SPATA18: variants seen among roughly 807,000 people sequenced by gnomAD.
SPATA18 encodes mitochondria-eating protein.
Under a neutral mutation model 68.1 loss-of-function variants are expected in SPATA18, and 54 were observed. The ratio of observed to expected loss-of-function variants is 0.79; its 90% CI spans 0.64 to 0.99. SPATA18 has a LOEUF of 0.99. Among genes scored for constraint, SPATA18 ranks in the 50% least tolerant of loss-of-function variants. The pLI is 0.00. For missense variants in SPATA18, 724 were observed against 681.1 expected (o/e 1.06, Z -0.70); for synonymous variants, 242 against 244.8 (o/e 0.99, Z 0.11).
chr4:52,085,887 G>A (rs564621551), intron 11 of SPATA18, among the ~76,000 whole-genome samples: 19 of 152,160 alleles, frequency 1.2e-4, no homozygotes. Flanking sequence ...ACTCTAGCCT[G>A]GGTGAGAGAG....
At chr4:52,085,816 G>A (rs1202561720) in intron 11 of SPATA18, among the ~76,000 whole-genome samples, 1 of 152,142 alleles carries the variant, frequency 6.6e-6, no homozygotes, top group South Asian at 2.1e-4. Context: ...GGCTGAGCTG[G>A]GAGGATCATC....
chr4:52,078,871 A>G lies in SPATA18; in HGVS notation c.1157A>G (p.Tyr386Cys), dbSNP rs1272578232. Residue 386 changes from tyrosine (Y) to cysteine (C), a missense_variant, in exon 8 of 13, where the codon TAT (tyrosine) becomes TGT (cysteine). Tyr to Cys is a radical substitution (Grantham distance 194). Coordinates refer to ENST00000295213, the MANE Select transcript of SPATA18 (RefSeq NM_145263.4). ...TATGTCATTTGTCATCTTGATCTATATGATTCTCAAAGCAGTGTCAATGTA... is the reference window on the plus strand; with the variant it reads ...TATGTCATTTGTCATCTTGATCTATGTGATTCTCAAAGCAGTGTCAATGTA... ...LDYVICHLDL[Y>C]DSQSSVNDVI... The G allele has an allele frequency of 1.3e-6, 2 of 1,590,676 alleles. No homozygotes were observed. The highest frequency in any genetic ancestry group is 1.3e-5 in the African/African-American group (1 of 74,652).
intron 1 of SPATA18, among the ~76,000 whole-genome samples, chr4:52,059,037 C>T (rs1449960610): frequency 6.6e-6 from 1 of 152,176 alleles, no homozygotes; most frequent in East Asian, 1.9e-4. Context: ...CATTTATATG[C>T]ATCCATCCAA....
chr4:52,051,505 C>A lies in SPATA18; in HGVS notation c.-200C>A. ...GACGGCGGATGAGGCGCGGCGGCTG[C>A]GGCCCAGGGCACCTCCCCTCTGGCT... On this transcript the variant is annotated 5_prime_UTR_variant, in exon 1 of 13. An upstream open reading frame in the 5' UTR gains an earlier in-frame stop. Coordinates refer to ENST00000295213, the MANE Select transcript of SPATA18 (RefSeq NM_145263.4). 1 of 558,062 alleles carries A rather than the reference C, an allele frequency of 1.8e-6. No individual in the cohort carries two copies. Among genetic ancestry groups the A allele is most frequent in the South Asian group, 2.5e-5 (1 of 40,098 alleles). 34.6% of individuals were successfully genotyped at this position (558,062 alleles called of 1,614,324 possible).
intron 11 of SPATA18, 101 bp downstream of exon 11, chr4:52,085,100 G>GTTCTCTTTCCACC: frequency 1.2e-6 from 1 of 868,754 alleles, no homozygotes; most frequent in Non-Finnish European, 1.8e-6. Context: ...AAGTCTACAG[G>GTTCTCTTTCCACC]TGGAAAGAGA....
chr4:52,054,700 G>A (rs139186300), intron 1 of SPATA18, among the ~76,000 whole-genome samples: 11 of 152,052 alleles, frequency 7.2e-5, no homozygotes, highest in South Asian at 4.2e-4. Context: ...CCTATGGTCC[G>A]TGATCTCTTA....
chr4:52,078,773 C>CAAGATCCAT lies in SPATA18; in HGVS notation c.1060_1068dup (p.Lys354_His356dup). ...TAGCAAAAATGGCATTCAGACACTT[C>CAAGATCCAT]AAGATCCATGTGAGAAAATCGTTGA... On this transcript the variant is annotated inframe_insertion, in exon 8 of 13. Coordinates refer to ENST00000295213, the MANE Select transcript of SPATA18 (RefSeq NM_145263.4). 3 of 1,604,698 alleles carry CAAGATCCAT rather than the reference C, an allele frequency of 1.9e-6. No individual in the cohort carries two copies. The highest frequency in any genetic ancestry group is 2.6e-6 in the Non-Finnish European group (3 of 1,172,508).
At chr4:52,067,662 C>T (rs559513509) in intron 4 of SPATA18, among the ~76,000 whole-genome samples, 3 of 152,246 alleles carry the variant, frequency 2.0e-5, no homozygotes, top group Admixed American at 6.5e-5. Flanking sequence ...GACCACCATA[C>T]GTTGAAAGGT....
At chr4:52,063,635 G>A (rs1324411207) in intron 4 of SPATA18, among the ~76,000 whole-genome samples, 2 of 152,246 alleles carry the variant, frequency 1.3e-5, no homozygotes, top group Non-Finnish European at 2.9e-5. Context: ...CTCATTCCAA[G>A]TGCAAACATG....
At chr4:52,068,424 A>G (rs934663877) in intron 4 of SPATA18, among the ~76,000 whole-genome samples, 1 of 152,242 alleles carries the variant, frequency 6.6e-6, no homozygotes, top group Non-Finnish European at 1.5e-5. Context: ...AATAGTTTAT[A>G]GTGTGAATGC....
At chr4:52,084,494 A>C (rs7696028) in intron 10 of SPATA18, among the ~76,000 whole-genome samples, 75,001 of 152,084 alleles carry the variant, frequency 0.49, 22,060 homozygotes, top group Non-Finnish European at 0.67. Flanking sequence ...CATTCATCCA[A>C]TGATATTTAT....
chr4:52,073,679 G>A (rs1291236191), intron 6 of SPATA18, among the ~76,000 whole-genome samples: 9 of 152,206 alleles, frequency 5.9e-5, no homozygotes, highest in African/African-American at 2.2e-4. Flanking sequence ...GCTGAGGCAG[G>A]AGGAACTCTT....
Position 52,074,455 on chromosome 4 carries a change from G to A in SPATA18, c.758+2299G>A, listed in dbSNP as rs1007911911. On this transcript the variant is annotated intron_variant, in intron 6 of 12. Transcript: ENST00000295213. The stretch of plus-strand genomic sequence containing the variant: ...CCAGCTGGTTGGGTGAGTGGGGGGC[G>A]CAGCGGTGGTGTTCAAAACCAGGGA... 9.9e-5 allele frequency among the ~76,000 whole-genome samples: 15 copies of A among 152,088 alleles called. 1 individual carries two copies. Among genetic ancestry groups the A allele is most frequent in the Middle Eastern group, 6.3e-3 (2 of 316 alleles).
chr4:52,080,192 T>C (rs1296832924), intron 9 of SPATA18, among the ~76,000 whole-genome samples: 1 of 152,228 alleles, frequency 6.6e-6, no homozygotes, highest in African/African-American at 2.4e-5. Context: ...AATACAAATG[T>C]GCATTACTTT....
At position 52,065,305 on chromosome 4, in the gene SPATA18, A is replaced by G. The variant is rs945495535; in HGVS notation, c.422+2973A>G. ...AAGCTTCTTAGTTTAATTAGGTCCC[A>G]TTTTATTTATTTTGGTTTTTGTTGC... is the stretch of plus-strand genomic sequence containing the variant. On this transcript the variant is annotated intron_variant, in intron 4 of 12. Coordinates refer to ENST00000295213, the MANE Select transcript of SPATA18 (RefSeq NM_145263.4). Among the ~76,000 whole-genome samples the G allele has an allele frequency of 7.2e-5, 11 of 152,000 alleles. No homozygotes were observed. In the East Asian group the frequency reaches 2.1e-3, roughly 29 times the overall value.
chr4:52,054,988 T>A (rs567068817), intron 1 of SPATA18, among the ~76,000 whole-genome samples: 1 of 151,894 alleles, frequency 6.6e-6, no homozygotes, highest in Admixed American at 6.6e-5. Flanking sequence ...AAAGAGTCTG[T>A]TATATTAGTC....
intron 5 of SPATA18, among the ~76,000 whole-genome samples, chr4:52,070,393 T>A (rs1328708974): frequency 1.3e-5 from 2 of 152,126 alleles, no homozygotes; most frequent in Admixed American, 1.3e-4. Flanking sequence ...TGGGAAATAA[T>A]ATTGGGATAA....
intron 6 of SPATA18, among the ~76,000 whole-genome samples, chr4:52,073,707 G>T (rs377762361): frequency 2.0e-5 from 3 of 152,208 alleles, no homozygotes; most frequent in Non-Finnish European, 4.4e-5. Flanking sequence ...GGTGTTTGAA[G>T]CTGCAGTGAG....
intron 10 of SPATA18, 140 bp from the exon 11 acceptor site, chr4:52,084,776 G>A: frequency 1.4e-6 from 1 of 733,164 alleles, no homozygotes; most frequent in South Asian, 1.8e-5. Context: ...ACGGAGTGTG[G>A]CTTGTGCAGA....
Sources: allele counts gnomAD v4.1 joint callset (sites outside exome capture counted in the v4.1 genomes callset), GRCh38; gene constraint gnomAD v4.1.1; transcripts MANE v1.5; gene names NCBI Gene and HGNC (gene_info 2026-07-23, HGNC 2026-07-21).